Variants in GRB2 observed in about 807,000 individuals in gnomAD.
GRB2 encodes growth factor receptor bound protein 2.
In GRB2, 2 loss-of-function variants were observed where a neutral mutation model predicts 27.4. The ratio of observed to expected loss-of-function variants is 0.07; its 90% CI spans 0.03 to 0.23. The LOEUF is 0.23. Among genes scored for constraint, GRB2 ranks in the 10% least tolerant of loss-of-function variants. GRB2 has a pLI of 1.00. For missense variants in GRB2, 102 were observed against 282.4 expected (o/e 0.36, Z 4.58); for synonymous variants, 94 against 99.6 (o/e 0.94, Z 0.33).
chr17:75,339,895 C>T (rs780818437), intron 2 of GRB2, among the ~76,000 whole-genome samples: 3 of 152,208 alleles, frequency 2.0e-5, no homozygotes, highest in Non-Finnish European at 4.4e-5. Context: ...TCCCAAAGTG[C>T]TGGGATTACA....
intron 2 of GRB2, among the ~76,000 whole-genome samples, chr17:75,364,060 C>G (rs913939773): frequency 3.3e-5 from 5 of 152,104 alleles, no homozygotes; most frequent in Non-Finnish European, 7.4e-5. Flanking sequence ...CCCAATACAT[C>G]TCTTTCCCTC....
At chr17:75,359,899 C>T (rs779186725) in intron 2 of GRB2, among the ~76,000 whole-genome samples, 12 of 151,174 alleles carry the variant, frequency 7.9e-5, no homozygotes, top group Non-Finnish European at 1.8e-4. Context: ...TACTCAAGGG[C>T]ATTCAATAAG....
intron 2 of GRB2, chr17:75,371,820 G>C (rs7222002): frequency 0.89 from 134,468 of 151,710 alleles, 60,426 homozygotes; most frequent in Non-Finnish European, 0.96. Context: ...AATATAGAAA[G>C]TAAGATCACC....
In GRB2 at chr17:75,325,847, T is replaced by C. The variant is rs771195280; in HGVS notation, c.299+51A>G. 5 of 1,602,432 alleles carry C rather than the reference T, an allele frequency of 3.1e-6. No individual in the cohort carries two copies. In the South Asian group the frequency reaches 3.3e-5, roughly 11 times the overall value. On this transcript the variant is annotated intron_variant, in intron 4 of 5. Coordinates refer to ENST00000316804, the MANE Select transcript of GRB2 (RefSeq NM_002086.5). Reference sequence around the variant, plus strand: ...GGCACCTGACCAACGGCTTCACAATTTGGATCAGTCAGAGACAGGATTCCA... The same window carrying C: ...GGCACCTGACCAACGGCTTCACAATCTGGATCAGTCAGAGACAGGATTCCA...
intron 2 of GRB2, among the ~76,000 whole-genome samples, chr17:75,374,242 A>G (rs1466160706): frequency 2.0e-5 from 3 of 151,648 alleles, no homozygotes; most frequent in Non-Finnish European, 2.9e-5. Context: ...CGTCTCTACT[A>G]AAAATACAAA....
chr17:75,370,208 C>T (rs932801294), intron 2 of GRB2, among the ~76,000 whole-genome samples: 1 of 152,172 alleles, frequency 6.6e-6, no homozygotes, highest in African/African-American at 2.4e-5. Context: ...TTCATACACC[C>T]CAAAAGCTGG....
In GRB2 at chr17:75,384,778, A is replaced by G. The variant is rs571878878; in HGVS notation, c.78+8773T>C. 2.6e-5 allele frequency among the ~76,000 whole-genome samples: 4 copies of G among 152,292 alleles called. No homozygotes were observed. The South Asian group carries it at 8.3e-4, about 32-fold the overall frequency. ...ACCTGAAATTCAGTTACTTGGAGAC[A>G]ACAATTACTCCTTGGGAGACCATTC... On this transcript the variant is annotated intron_variant, in intron 2 of 5. Coordinates refer to ENST00000316804, the MANE Select transcript of GRB2 (RefSeq NM_002086.5).
rs779514646 is a variant in GRB2 at position 75,321,856 on chromosome 17, G to A, written c.300-29C>T. ...GGAGGGACAGAAAGCACATGTGACC[G>A]GCTAAAGGCTCTAACTTGGCAAATC... On this transcript the variant is annotated intron_variant, in intron 4 of 5. Coordinates refer to ENST00000316804, the MANE Select transcript of GRB2 (RefSeq NM_002086.5). 2.5e-5 allele frequency: 40 copies of A among 1,608,464 alleles called. No individual in the cohort carries two copies. The East Asian group carries it at 6.2e-4, about 25-fold the overall frequency.
chr17:75,366,573 CG>C, intron 2 of GRB2, among the ~76,000 whole-genome samples: 1 of 149,980 alleles, frequency 6.7e-6, no homozygotes, highest in South Asian at 2.1e-4. Flanking sequence ...CTGAGGCGGG[CG>C]GATCACTTGA....
Position 75,321,844 on chromosome 17 carries a change from G to C in GRB2, c.300-17C>G. 6.2e-7 allele frequency: 1 copy of C among 1,612,184 alleles called. No homozygotes were observed. The highest frequency in any genetic ancestry group is 8.5e-7 in the Non-Finnish European group (1 of 1,179,732). ...TTTCCAAACCTGGGAGGGACAGAAAGCACATGTGACCGGCTAAAGGCTCTA... is the reference window on the plus strand; with the variant it reads ...TTTCCAAACCTGGGAGGGACAGAAACCACATGTGACCGGCTAAAGGCTCTA... On this transcript the variant is annotated splice_polypyrimidine_tract_variant and intron_variant, in intron 4 of 5. Transcript: ENST00000316804.
intron 2 of GRB2, among the ~76,000 whole-genome samples, chr17:75,370,419 T>C (rs139588111): frequency 1.3e-5 from 2 of 152,354 alleles, no homozygotes; most frequent in African/African-American, 2.4e-5. Flanking sequence ...GACTTCAATA[T>C]CTTGTTCGGT....
chr17:75,339,628 T>C (rs1201195801), intron 2 of GRB2, among the ~76,000 whole-genome samples: 1 of 150,870 alleles, frequency 6.6e-6, no homozygotes, highest in East Asian at 1.9e-4. Context: ...TCTTTCTTTT[T>C]TTTTTTTTTT....
intron 4 of GRB2, among the ~76,000 whole-genome samples, chr17:75,322,676 C>T (rs1250279645): frequency 6.6e-6 from 1 of 152,142 alleles, no homozygotes; most frequent in Non-Finnish European, 1.5e-5. Flanking sequence ...GCTTCTCCAT[C>T]ACTAGATCAC....
At chr17:75,370,101 A>G (rs1008590155) in intron 2 of GRB2, among the ~76,000 whole-genome samples, 2 of 152,272 alleles carry the variant, frequency 1.3e-5, no homozygotes, top group African/African-American at 4.8e-5. Context: ...GCCAGGGCCC[A>G]TGAGAAATGT....
intron 2 of GRB2, among the ~76,000 whole-genome samples, chr17:75,333,114 C>T (rs1419837004): frequency 3.3e-5 from 5 of 151,630 alleles, no homozygotes; most frequent in Non-Finnish European, 2.9e-5. Flanking sequence ...CTTGCTCTGT[C>T]GCCCAGGCTG....
At chr17:75,332,288 G>A (rs1227007815) in intron 3 of GRB2, among the ~76,000 whole-genome samples, 1 of 152,156 alleles carries the variant, frequency 6.6e-6, no homozygotes, top group Non-Finnish European at 1.5e-5. Context: ...ACTATTAGAT[G>A]CCAAGCACCG....
intron 2 of GRB2, among the ~76,000 whole-genome samples, chr17:75,361,901 A>G (rs774399414): frequency 6.6e-6 from 1 of 152,126 alleles, no homozygotes; most frequent in Non-Finnish European, 1.5e-5. Context: ...GATTATTAAA[A>G]TAATATTCAT....
At chr17:75,324,610 T>C (rs2078486562) in intron 4 of GRB2, among the ~76,000 whole-genome samples, 2 of 145,274 alleles carry the variant, frequency 1.4e-5, no homozygotes, top group Admixed American at 1.4e-4. Flanking sequence ...CTCCGCCTCC[T>C]GGATTCAAAT....
chr17:75,349,965 G>A (rs1389405401), intron 2 of GRB2, among the ~76,000 whole-genome samples: 1 of 151,392 alleles, frequency 6.6e-6, no homozygotes, highest in African/African-American at 2.4e-5. Context: ...AAAGTAATTC[G>A]ACTGTATGTA....
Sources: allele counts gnomAD v4.1 joint callset (sites outside exome capture counted in the v4.1 genomes callset), GRCh38; gene constraint gnomAD v4.1.1; transcripts MANE v1.5; gene names NCBI Gene and HGNC (gene_info 2026-07-23, HGNC 2026-07-21).